The following UBE2W variants were observed in gnomAD, a reference collection of about 807,000 sequenced individuals.
The protein encoded by UBE2W is ubiquitin conjugating enzyme E2 W.
A neutral mutation model predicts 27.2 loss-of-function variants in UBE2W; 18 were observed. That is an observed-to-expected ratio of 0.66 (90% CI 0.46 to 0.98). The LOEUF (loss-of-function observed/expected upper bound fraction) is 0.98. Among genes scored for constraint, UBE2W ranks in the 50% least tolerant of loss-of-function variants. The pLI is 0.00. For missense variants in UBE2W, 90 were observed against 180.2 expected, an observed-to-expected ratio of 0.50 and a Z score of 2.87; for synonymous variants, 53 against 57.2, an observed-to-expected ratio of 0.93 and a Z score of 0.33.
At chr8:73,869,639 C>A (rs746230812) in intron 1 of UBE2W, among the ~76,000 whole-genome samples, 6 of 151,942 alleles carry the variant, frequency 3.9e-5, no homozygotes, top group African/African-American at 1.5e-4. Context: ...TGCAATGAGC[C>A]GAGATGGTGC....
At chr8:73,804,208 T>C (rs543119322) in intron 5 of UBE2W, among the ~76,000 whole-genome samples, 1 of 151,592 alleles carries the variant, frequency 6.6e-6, no homozygotes, top group African/African-American at 2.4e-5. Flanking sequence ...TCACACTGGA[T>C]AGAAGATACG....
intron 5 of UBE2W, among the ~76,000 whole-genome samples, chr8:73,794,340 T>C (rs973737988): frequency 1.3e-5 from 2 of 152,224 alleles, no homozygotes; most frequent in African/African-American, 4.8e-5. Flanking sequence ...CTTAAAATGA[T>C]ATGTTATTAG....
rs1808088748 is a variant in UBE2W at position 73,789,255 on chromosome 8, G to A, written c.*4847C>T. On this transcript the variant is annotated 3_prime_UTR_variant, in exon 6 of 6. Transcript: ENST00000602593. ...GGAGGCTGAGGCAGGAGGAATGCTT[G>A]AGCCCAGGAATTCAAGATCAGCCTG... 2 of 848,456 alleles carry A rather than the reference G, an allele frequency of 2.4e-6. No individual in the cohort carries two copies. Among genetic ancestry groups the A allele is most frequent in the Non-Finnish European group, 2.8e-6 (2 of 721,822 alleles). The allele number at this position is 848,456 out of a possible 1,614,324, so 52.6% of individuals were successfully genotyped here.
intron 5 of UBE2W, among the ~76,000 whole-genome samples, chr8:73,802,853 C>T (rs1296595450): frequency 1.3e-5 from 2 of 152,060 alleles, no homozygotes; most frequent in East Asian, 3.9e-4. Context: ...GAAACCCCGT[C>T]TCTACTAAAA....
intron 1 of UBE2W, among the ~76,000 whole-genome samples, chr8:73,847,508 G>T (rs1327273022): frequency 6.6e-6 from 1 of 152,048 alleles, no homozygotes; most frequent in Non-Finnish European, 1.5e-5. Context: ...CAGCATATAC[G>T]TTCAACAAAA....
intron 1 of UBE2W, among the ~76,000 whole-genome samples, chr8:73,860,349 G>A (rs185567904): frequency 1.1e-3 from 163 of 152,238 alleles, no homozygotes; most frequent in African/African-American, 3.5e-3. Context: ...AGACAGCAAT[G>A]GAATCAGAGA....
intron 5 of UBE2W, among the ~76,000 whole-genome samples, chr8:73,803,172 C>T (rs995745038): frequency 3.3e-5 from 5 of 152,046 alleles, no homozygotes; most frequent in African/African-American, 9.7e-5. Context: ...GCCTAGATCA[C>T]GCCACTGCAC....
chr8:73,856,854 TGC>T (rs1030406539), intron 1 of UBE2W, among the ~76,000 whole-genome samples: 2 of 152,068 alleles, frequency 1.3e-5, no homozygotes, highest in Non-Finnish European at 2.9e-5. Context: ...TATTGGCATG[TGC>T]CACCACACCT....
intron 1 of UBE2W, among the ~76,000 whole-genome samples, chr8:73,832,861 T>C (rs1261459420): frequency 1.3e-5 from 2 of 152,188 alleles, no homozygotes; most frequent in African/African-American, 4.8e-5. Context: ...CTTAAAAGTT[T>C]TAGCAGTGCT....
chr8:73,869,887 G>A (rs551708719), intron 1 of UBE2W, among the ~76,000 whole-genome samples: 1 of 152,106 alleles, frequency 6.6e-6, no homozygotes, highest in Non-Finnish European at 1.5e-5. Context: ...ACAGCTAAGT[G>A]AAAGAAGCCA....
chr8:73,831,069 C>T (rs1355994202), intron 1 of UBE2W: 1 of 207,316 alleles, frequency 4.8e-6, no homozygotes, highest in Admixed American at 5.9e-5. Flanking sequence ...TCCCTTCCCT[C>T]ATGTACTTCT....
intron 5 of UBE2W, among the ~76,000 whole-genome samples, chr8:73,803,907 C>A (rs528876558): frequency 6.6e-6 from 1 of 151,936 alleles, no homozygotes; most frequent in Non-Finnish European, 1.5e-5. Context: ...ACTGGGACTA[C>A]AGGCGCCTGC....
rs535116115 is a variant in UBE2W at position 73,836,484 on chromosome 8, G to C, written c.16-6012C>G. On this transcript the variant is annotated intron_variant, in intron 1 of 5. Transcript: ENST00000602593. The stretch of plus-strand genomic sequence containing the variant: ...TTCACCCTTAGTTGCATTCTTCCCA[G>C]AACAACAGTTCATTAGACAGGGCAG... 8.5e-5 allele frequency among the ~76,000 whole-genome samples: 13 copies of C among 152,292 alleles called. No individual in the cohort carries two copies. The South Asian group carries it at 2.7e-3, about 32-fold the overall frequency.
downstream of UBE2W, among the ~76,000 whole-genome samples, chr8:73,781,795 A>C (rs1407208513): frequency 6.6e-6 from 1 of 151,854 alleles, no homozygotes; most frequent in Non-Finnish European, 1.5e-5. Context: ...CCCAGGCTAG[A>C]CTCAGGTTTT....
intron 1 of UBE2W, among the ~76,000 whole-genome samples, chr8:73,850,029 TAGA>T (rs1312998105): frequency 1.3e-5 from 2 of 152,152 alleles, no homozygotes; most frequent in Non-Finnish European, 2.9e-5. Context: ...TCTATCTTCA[TAGA>T]AGATTTTAGT....
chr8:73,854,074 G>C (rs749901247), intron 1 of UBE2W, among the ~76,000 whole-genome samples: 2 of 152,070 alleles, frequency 1.3e-5, no homozygotes, highest in Non-Finnish European at 2.9e-5. Context: ...ACTTGAGCCT[G>C]AGAGGTCAAA....
intron 5 of UBE2W, among the ~76,000 whole-genome samples, chr8:73,801,112 T>A (rs1808623498): frequency 6.6e-6 from 1 of 152,030 alleles, no homozygotes; most frequent in African/African-American, 2.4e-5. Flanking sequence ...AGAAAAAGAA[T>A]AAGAACTTAT....
At chr8:73,825,730 G>A (rs180954786) in intron 2 of UBE2W, among the ~76,000 whole-genome samples, 266 of 152,290 alleles carry the variant, frequency 1.7e-3, no homozygotes, top group African/African-American at 6.1e-3. Context: ...GAACCCGGGA[G>A]GCAGAGGTTG....
At chr8:73,798,488 A>G (rs544752190) in intron 5 of UBE2W, among the ~76,000 whole-genome samples, 5 of 152,338 alleles carry the variant, frequency 3.3e-5, no homozygotes, top group African/African-American at 1.2e-4. Flanking sequence ...AATAAGGGAT[A>G]TTCAACCTAC....
Sources: allele counts gnomAD v4.1 joint callset (sites outside exome capture counted in the v4.1 genomes callset), GRCh38; gene constraint gnomAD v4.1.1; transcripts MANE v1.5; gene names NCBI Gene and HGNC (gene_info 2026-07-23, HGNC 2026-07-21).